SYN3: variants seen among roughly 807,000 people sequenced by gnomAD.
The protein encoded by SYN3 is synapsin III, also known as synapsin-3.
In SYN3, 35 loss-of-function variants were observed where a neutral mutation model predicts 65.8. The observed-to-expected ratio is 0.53, with a 90% CI of 0.41 to 0.70. The LOEUF is 0.70. Ranked by LOEUF, SYN3 falls within the 30% of genes least tolerant of loss-of-function variation. The pLI is 0.00. For missense variants in SYN3, 680 were observed against 749.0 expected, an observed-to-expected ratio of 0.91 and a Z score of 1.08; for synonymous variants, 270 against 292.9, an observed-to-expected ratio of 0.92 and a Z score of 0.80.
At chr22:32,636,523 C>T (rs956228803) in intron 6 of SYN3, among the ~76,000 whole-genome samples, 2 of 152,154 alleles carry the variant, frequency 1.3e-5, no homozygotes, top group Admixed American at 6.5e-5. Flanking sequence ...GTCCCCATGA[C>T]GGGCCATTGC....
chr22:32,533,842 C>T lies in SYN3; in HGVS notation c.1046G>A (p.Cys349Tyr). 6.2e-7 allele frequency: 1 copy of T among 1,614,014 alleles called. No individual in the cohort carries two copies. Among genetic ancestry groups the T allele is most frequent in the Non-Finnish European group, 8.5e-7 (1 of 1,179,950 alleles). Residue 349 changes from cysteine (C) to tyrosine (Y), a missense_variant, in exon 10 of 14, where the codon TGT becomes TAT. By Grantham distance (194) the Cys-to-Tyr change is radical. Coordinates refer to ENST00000358763, the MANE Select transcript of SYN3 (RefSeq NM_003490.4). The part of the protein sequence containing the change: ...CSEMFGGLDI[C>Y]AVKAVHSKDG... ...CTTGCTGTGGACAGCCTTGACGGCA[C>T]AGATGTCCAGGCCGCCAAACATTTC...
At chr22:32,795,109 G>A (rs768241268) in intron 6 of SYN3, among the ~76,000 whole-genome samples, 4 of 152,190 alleles carry the variant, frequency 2.6e-5, no homozygotes, top group Non-Finnish European at 5.9e-5. Flanking sequence ...AGATCACAGA[G>A]GGCCTTGTTT....
intron 1 of SYN3, among the ~76,000 whole-genome samples, chr22:33,030,783 A>AT (rs1465537090): frequency 6.6e-6 from 1 of 152,052 alleles, no homozygotes. Context: ...GTAGAGACAG[A>AT]TAGACAGAAA....
At chr22:33,008,971 AGAG>A (rs1569401682) in intron 1 of SYN3, among the ~76,000 whole-genome samples, 69 of 141,478 alleles carry the variant, frequency 4.9e-4, no homozygotes, top group African/African-American at 1.5e-3. Flanking sequence ...AAAGAGAGAG[AGAG>A]AAAAGAAAAA....
At chr22:33,042,062 G>A (rs1182269935) in intron 1 of SYN3, among the ~76,000 whole-genome samples, 1 of 152,146 alleles carries the variant, frequency 6.6e-6, no homozygotes, top group Non-Finnish European at 1.5e-5. Context: ...AGGTCACAAG[G>A]ATAGAGCCCT....
chr22:32,971,871 G>C (rs575774977), intron 3 of SYN3, among the ~76,000 whole-genome samples: 2 of 152,206 alleles, frequency 1.3e-5, no homozygotes, highest in Non-Finnish European at 2.9e-5. Flanking sequence ...GCAGGACTGT[G>C]AGAATTTGGG....
At chr22:32,851,246 A>G (rs1297583661) in intron 6 of SYN3, among the ~76,000 whole-genome samples, 2 of 152,154 alleles carry the variant, frequency 1.3e-5, no homozygotes, top group African/African-American at 4.8e-5. Flanking sequence ...CTGGTCTGGA[A>G]CAATCCTCAT....
chr22:32,663,216 C>T (rs1369707525), intron 6 of SYN3, among the ~76,000 whole-genome samples: 6 of 152,210 alleles, frequency 3.9e-5, no homozygotes, highest in African/African-American at 7.2e-5. Flanking sequence ...CCATGTAAGA[C>T]GTGCCTTTCG....
intron 3 of SYN3, among the ~76,000 whole-genome samples, chr22:32,970,968 T>G (rs932242341): frequency 6.6e-6 from 1 of 152,244 alleles, no homozygotes; most frequent in Non-Finnish European, 1.5e-5. Flanking sequence ...GCATTCTTAC[T>G]AGCTGTGTCA....
intron 6 of SYN3, among the ~76,000 whole-genome samples, chr22:32,617,340 C>T (rs764132219): frequency 3.3e-5 from 5 of 152,064 alleles, no homozygotes; most frequent in African/African-American, 9.6e-5. Context: ...GGGTTTGGAG[C>T]GGGGATGGGT....
chr22:32,513,831 CAG>C lies in SYN3; in HGVS notation c.1611-9_1611-8del. The C allele has an allele frequency of 6.2e-7, 1 of 1,614,042 alleles. No homozygotes were observed. The highest frequency in any genetic ancestry group is 1.3e-5 in the African/African-American group (1 of 75,016). ...AGTCAGGGACTGAGATTTGCTGAAA[CAG>C]AAAGGCAAGGGGGTTGAGGAAGACA... On this transcript the variant is annotated splice_region_variant and splice_polypyrimidine_tract_variant and intron_variant, in intron 13 of 13. Coordinates refer to ENST00000358763, the MANE Select transcript of SYN3 (RefSeq NM_003490.4).
At chr22:32,966,461 G>T (rs917872007) in intron 3 of SYN3, among the ~76,000 whole-genome samples, 1 of 152,062 alleles carries the variant, frequency 6.6e-6, no homozygotes, top group Admixed American at 6.5e-5. Flanking sequence ...AGGCAGGCAG[G>T]GGCAAGCTCA....
intron 6 of SYN3, among the ~76,000 whole-genome samples, chr22:32,710,113 G>A (rs9621541): frequency 2.4e-4 from 24 of 100,414 alleles, no homozygotes; most frequent in East Asian, 1.7e-3. Flanking sequence ...GTGTGTGTAT[G>A]TGTGTGTGTG....
intron 6 of SYN3, among the ~76,000 whole-genome samples, chr22:32,747,364 T>C (rs1662065730): frequency 7.2e-6 from 1 of 138,726 alleles, no homozygotes; most frequent in Non-Finnish European, 1.6e-5. Context: ...TGTCCATGGG[T>C]CTGTGTTATT....
At chr22:32,786,871 T>C (rs577666906) in intron 6 of SYN3, among the ~76,000 whole-genome samples, 46 of 152,124 alleles carry the variant, frequency 3.0e-4, no homozygotes, top group African/African-American at 1.0e-3. Flanking sequence ...CAGGTCCTGC[T>C]TGGCTACAAT....
At chr22:32,898,547 A>C (rs569654702) in intron 4 of SYN3, among the ~76,000 whole-genome samples, 27 of 152,322 alleles carry the variant, frequency 1.8e-4, no homozygotes, top group African/African-American at 6.3e-4. Flanking sequence ...GGCTTAGTAG[A>C]GGGCTTGACA....
Position 32,693,788 on chromosome 22 carries a change from C to A in SYN3, c.712-97052G>T, listed in dbSNP as rs377197579. Among the ~76,000 whole-genome samples, 413 of 151,864 alleles carry A rather than the reference C, an allele frequency of 2.7e-3. 2 individuals carry two copies. Among genetic ancestry groups the A allele is most frequent in the African/African-American group, 9.3e-3 (384 of 41,464 alleles). ...TGTATTTTTAGTAGAGACGGCATCT[C>A]ACCGTGATGGCCAGGCTGGTCTCGA... On this transcript the variant is annotated intron_variant, in intron 6 of 13. Transcript: ENST00000358763.
intron 1 of SYN3, among the ~76,000 whole-genome samples, chr22:33,014,080 A>C (rs1424139822): frequency 6.6e-6 from 1 of 151,766 alleles, no homozygotes; most frequent in African/African-American, 2.4e-5. Context: ...AGTTAAAAAA[A>C]AAAAAAAAAA....
At chr22:33,025,330 T>A (rs1428797761) in intron 1 of SYN3, among the ~76,000 whole-genome samples, 1 of 151,418 alleles carries the variant, frequency 6.6e-6, no homozygotes, top group African/African-American at 2.4e-5. Flanking sequence ...GGTGCATGCC[T>A]GTAGTCCCAG....
Sources: gnomAD v4.1 joint callset for allele counts (sites outside exome capture counted in the v4.1 genomes callset) on GRCh38, gnomAD v4.1.1 for gene constraint, MANE v1.5 for transcripts, NCBI Gene and HGNC (gene_info 2026-07-23, HGNC 2026-07-21) for gene names.